SGCZ: variants seen among roughly 807,000 people sequenced by gnomAD.
SGCZ encodes zeta-sarcoglycan.
In SGCZ, 40 loss-of-function variants were observed where a neutral mutation model predicts 41.3. The ratio of observed to expected loss-of-function variants is 0.97; its 90% confidence interval spans 0.75 to 1.26. The LOEUF is 1.26. Ranked by LOEUF, SGCZ falls within the 50% of genes most tolerant of loss-of-function variation. The probability of loss-of-function intolerance (pLI) is 0.00; values close to 1 mark genes in which losing one functional copy is unlikely to be tolerated. For missense variants in SGCZ, 552 were observed against 369.8 expected (o/e 1.49, Z -4.04); for synonymous variants, 206 against 137.5 (o/e 1.50, Z -3.49).
chr8:15,146,055 G>T (rs150666906), intron 1 of SGCZ, among the ~76,000 whole-genome samples: 1 of 151,892 alleles, frequency 6.6e-6, no homozygotes, highest in Non-Finnish European at 1.5e-5. Flanking sequence ...AATAGGAGAC[G>T]GGAAGAAGTG....
At chr8:14,838,765 C>T (rs1402632337) in intron 1 of SGCZ, among the ~76,000 whole-genome samples, 1 of 152,166 alleles carries the variant, frequency 6.6e-6, no homozygotes, top group Non-Finnish European at 1.5e-5. Context: ...TTTCTTGTGC[C>T]TCCCTTGTAT....
chr8:14,532,261 T>C (rs533396275), intron 2 of SGCZ, among the ~76,000 whole-genome samples: 4 of 152,110 alleles, frequency 2.6e-5, no homozygotes, highest in African/African-American at 9.6e-5. Context: ...AAAATTTCAA[T>C]TGCAAGAATA....
intron 5 of SGCZ, among the ~76,000 whole-genome samples, chr8:14,108,568 T>C (rs1280618167): frequency 6.6e-6 from 1 of 152,068 alleles, no homozygotes; most frequent in Non-Finnish European, 1.5e-5. Context: ...GTGAGACTTA[T>C]TCACGACCGT....
intron 2 of SGCZ, among the ~76,000 whole-genome samples, chr8:14,427,567 G>T (rs1342224889): frequency 2.6e-5 from 4 of 152,070 alleles, no homozygotes; most frequent in African/African-American, 9.7e-5. Context: ...ATCTTTGTGT[G>T]GTAACTTCAA....
At chr8:14,535,458 C>T (rs1019480591) in intron 2 of SGCZ, among the ~76,000 whole-genome samples, 4 of 151,818 alleles carry the variant, frequency 2.6e-5, no homozygotes, top group East Asian at 3.9e-4. Flanking sequence ...GGATTTCACT[C>T]GATTAGCAAT....
Position 14,869,506 on chromosome 8 carries a change from G to C in SGCZ, c.40-314580C>G, listed in dbSNP as rs552069098. The stretch of plus-strand genomic sequence containing the variant: ...CATACTGAATGGGCAAAAGCTGGAA[G>C]CATTCCCTTTGAAAACTGACACAAG... On this transcript the variant is annotated intron_variant, in intron 1 of 7. Coordinates refer to ENST00000382080, the MANE Select transcript of SGCZ (RefSeq NM_139167.4). 8.1e-4 allele frequency among the ~76,000 whole-genome samples: 124 copies of C among 152,262 alleles called. 3 individuals carry two copies. In the South Asian group the frequency reaches 0.025, roughly 31 times the overall value.
At chr8:15,007,682 A>T (rs1382737369) in intron 1 of SGCZ, among the ~76,000 whole-genome samples, 6 of 152,244 alleles carry the variant, frequency 3.9e-5, no homozygotes. Flanking sequence ...ACGCATTTAA[A>T]TAAAAGGGAA....
chr8:15,083,958 C>T (rs1294726360), intron 1 of SGCZ, among the ~76,000 whole-genome samples: 2 of 151,412 alleles, frequency 1.3e-5, no homozygotes, highest in African/African-American at 4.9e-5. Flanking sequence ...TTGCTGCGTT[C>T]TAGTCCTTTA....
intron 1 of SGCZ, among the ~76,000 whole-genome samples, chr8:14,933,089 T>C (rs949737245): frequency 2.0e-5 from 3 of 151,762 alleles, no homozygotes; most frequent in Non-Finnish European, 4.4e-5. Context: ...TGAAAAACTG[T>C]TTTTCAACAC....
intron 1 of SGCZ, among the ~76,000 whole-genome samples, chr8:14,859,762 A>G (rs1331909814): frequency 2.0e-5 from 3 of 152,312 alleles, no homozygotes; most frequent in East Asian, 1.9e-4. Flanking sequence ...CCAGCGAAAT[A>G]TGAGTGCAAA....
chr8:14,824,772 T>C (rs1802236889), intron 1 of SGCZ, among the ~76,000 whole-genome samples: 1 of 152,124 alleles, frequency 6.6e-6, no homozygotes. Context: ...AAATATCTTC[T>C]ACATAAACGC....
rs866197343 is a variant in SGCZ at position 14,681,714 on chromosome 8, C to A, written c.40-126788G>T. On this transcript the variant is annotated intron_variant, in intron 1 of 7. Coordinates refer to ENST00000382080, the MANE Select transcript of SGCZ (RefSeq NM_139167.4). ...ATAATTATGTCCCTGATTATTAATT[C>A]TATAATTTAGCAGCTATTTCATCAA... Among the ~76,000 whole-genome samples, 15 of 152,094 alleles carry A rather than the reference C, an allele frequency of 9.9e-5. 1 individual carries two copies. Among genetic ancestry groups the A allele is most frequent in the African/African-American group, 3.6e-4 (15 of 41,508 alleles).
chr8:14,383,114 C>T (rs1290109650), intron 2 of SGCZ, among the ~76,000 whole-genome samples: 2 of 152,152 alleles, frequency 1.3e-5, no homozygotes, highest in African/African-American at 4.8e-5. Context: ...CTGGCCCAGC[C>T]ATTCACCAAA....
At chr8:14,961,495 C>A (rs1800965404) in intron 1 of SGCZ, among the ~76,000 whole-genome samples, 2 of 151,898 alleles carry the variant, frequency 1.3e-5, no homozygotes, top group African/African-American at 4.8e-5. Flanking sequence ...AGAGAGAGAT[C>A]CCATTCACAT....
At chr8:15,108,468 T>C (rs1220708352) in intron 1 of SGCZ, among the ~76,000 whole-genome samples, 2 of 152,214 alleles carry the variant, frequency 1.3e-5, no homozygotes, top group African/African-American at 4.8e-5. Flanking sequence ...CAAGTGGATT[T>C]TGAATGCTAT....
intron 2 of SGCZ, among the ~76,000 whole-genome samples, chr8:14,366,841 A>G (rs1803725784): frequency 6.6e-6 from 1 of 152,104 alleles, no homozygotes; most frequent in Non-Finnish European, 1.5e-5. Context: ...AAAGGCACAA[A>G]ACCTTTTTTC....
rs35548958 is a variant in SGCZ at position 15,133,654 on chromosome 8, CTT to C, written c.39+103929_39+103930del. On this transcript the variant is annotated intron_variant, in intron 1 of 7. Coordinates refer to ENST00000382080, the MANE Select transcript of SGCZ (RefSeq NM_139167.4). ...ACAGTAAACTGATGTCTTTTACTCTCTTATGTTTACTTATGAATAATGCCCAT... is the reference window on the plus strand; with the variant it reads ...ACAGTAAACTGATGTCTTTTACTCTCATGTTTACTTATGAATAATGCCCAT... Among the ~76,000 whole-genome samples the C allele has an allele frequency of 6.6e-3, 1,010 of 152,278 alleles. 10 individuals carry two copies. Among genetic ancestry groups the C allele is most frequent in the African/African-American group, 0.019 (778 of 41,532 alleles).
At chr8:14,970,730 G>C (rs1299027799) in intron 1 of SGCZ, among the ~76,000 whole-genome samples, 4 of 152,082 alleles carry the variant, frequency 2.6e-5, no homozygotes, top group East Asian at 3.9e-4. Context: ...ATATCAGAGA[G>C]TCTTAGTCCT....
chr8:15,109,083 C>T (rs980725095), intron 1 of SGCZ, among the ~76,000 whole-genome samples: 7 of 151,902 alleles, frequency 4.6e-5, no homozygotes, highest in Non-Finnish European at 8.8e-5. Context: ...ATTCGAAAAA[C>T]AAATATGCAA....
Sources: gnomAD v4.1 joint callset for allele counts (sites outside exome capture counted in the v4.1 genomes callset) on GRCh38, gnomAD v4.1.1 for gene constraint, MANE v1.5 for transcripts, NCBI Gene and HGNC (gene_info 2026-07-23, HGNC 2026-07-21) for gene names.